The following ARL9 variants were observed in gnomAD, a reference collection of about 807,000 sequenced individuals.
ARL9 encodes ARF like GTPase 9.
Under a neutral mutation model 27.0 loss-of-function variants are expected in ARL9, and 14 were observed. The ratio of observed to expected loss-of-function variants is 0.52; its 90% CI spans 0.34 to 0.81. ARL9 has a LOEUF of 0.81. ARL9 is among the 30% of genes least tolerant of loss of function. The pLI, the probability that ARL9 is intolerant of heterozygous loss-of-function variation, is 0.01. For synonymous variants in ARL9, 106 were observed against 108.7 expected, an observed-to-expected ratio of 0.98 and a Z score of 0.15; for missense variants, 294 against 290.0, an observed-to-expected ratio of 1.01 and a Z score of -0.10.
chr4:56,518,377 G>A lies in ARL9; in HGVS notation c.443-301G>A, dbSNP rs189441114. On this transcript the variant is annotated intron_variant, in intron 2 of 3. Coordinates refer to ENST00000640821, the MANE Select transcript of ARL9 (RefSeq NM_001363794.2). The stretch of plus-strand genomic sequence containing the variant: ...GAGCTATAACTGATAAACATGCAGT[G>A]GCTGACATGGCTGCTGTGGACAATG... 1.8e-4 allele frequency among the ~76,000 whole-genome samples: 27 copies of A among 152,234 alleles called. No individual in the cohort carries two copies. In the East Asian group the frequency reaches 5.2e-3, roughly 29 times the overall value.
intron 3 of ARL9, among the ~76,000 whole-genome samples, chr4:56,521,526 T>C (rs1560700134): frequency 6.6e-6 from 1 of 152,216 alleles, no homozygotes; most frequent in Admixed American, 6.5e-5. Context: ...TTTGTACATA[T>C]TCTGTTTTAT....
chr4:56,523,696 G>C lies in ARL9; in HGVS notation c.619-1G>C. On this transcript the variant is annotated splice_acceptor_variant, in intron 3 of 3. Coordinates refer to ENST00000640821, the MANE Select transcript of ARL9 (RefSeq NM_001363794.2). LOFTEE classifies it high-confidence loss of function. Reference sequence around the variant, plus strand: ...CTATTCTTATTCCACTCCGGATGAAGGATCTTGAAGCAGCCTATCACATTA... The same window carrying C: ...CTATTCTTATTCCACTCCGGATGAACGATCTTGAAGCAGCCTATCACATTA... The C allele has an allele frequency of 6.2e-7, 1 of 1,609,516 alleles. No homozygotes were observed. The highest frequency in any genetic ancestry group is 1.7e-5 in the Admixed American group (1 of 59,348).
intron 2 of ARL9, among the ~76,000 whole-genome samples, chr4:56,518,287 T>A (rs910709419): frequency 6.6e-6 from 1 of 152,170 alleles, no homozygotes; most frequent in African/African-American, 2.4e-5. Context: ...TCCTCCTGCC[T>A]CAGCCTCCCA....
Position 56,506,047 on chromosome 4 carries a change from AG to A in ARL9, c.187del (p.Glu63ArgfsTer23). 1 of 1,230,872 alleles carries A rather than the reference AG, an allele frequency of 8.1e-7. No individual in the cohort carries two copies. The highest frequency in any genetic ancestry group is 1.0e-6 in the Non-Finnish European group (1 of 985,984). The allele number at this position is 1,230,872 out of a possible 1,614,324, so 76.2% of individuals were successfully genotyped here. A position where few individuals can be genotyped will look rare whatever the true frequency, so the allele number is the denominator to read the frequency against. On this transcript the variant is annotated frameshift_variant, in exon 1 of 4. Transcript: ENST00000640821. LOFTEE classifies it high-confidence loss of function. Reference sequence around the variant, plus strand: ...GAGGAAAAGAGGACAAAGCAAGGGAAGGAGACAAACAAAGAGAAGGAACAAT... The same window carrying A: ...GAGGAAAAGAGGACAAAGCAAGGGAAGAGACAAACAAAGAGAAGGAACAAT... ...EKEEKRTKQGKETNKEKEQFK... is the reference protein window; with the variant it reads ...EKEEKRTKQGXETNKEKEQFK...
intron 2 of ARL9, among the ~76,000 whole-genome samples, 152 bp from the exon 3 acceptor site, chr4:56,518,526 C>T (rs1045357933): frequency 6.6e-6 from 1 of 152,188 alleles, no homozygotes; most frequent in African/African-American, 2.4e-5. Context: ...TGCCTCTGGT[C>T]ACTCTGAGGA....
intron 3 of ARL9, among the ~76,000 whole-genome samples, chr4:56,520,028 A>G (rs1721873030): frequency 6.7e-6 from 1 of 149,926 alleles, no homozygotes; most frequent in Non-Finnish European, 1.5e-5. Context: ...TTTGAGACAG[A>G]GTCTTGCTCT....
chr4:56,505,270 A>G, upstream of ARL9: 1 of 383,868 alleles, frequency 2.6e-6, no homozygotes, highest in African/African-American at 2.1e-5. Context: ...TAGTCTGGAG[A>G]CACTCCTAGC....
In ARL9 at chr4:56,523,846, G is replaced by T. The variant is rs1262972795; in HGVS notation, c.768G>T (p.Leu256Phe). Residue 256 changes from leucine (L) to phenylalanine (F), a missense_variant, in exon 4 of 4, where the codon TTG (leucine) becomes TTT (phenylalanine). Coordinates refer to ENST00000640821, the MANE Select transcript of ARL9 (RefSeq NM_001363794.2). ...IPSTMQDAKD[L>F]IAQLAADVQ ...CCACCATGCAAGATGCCAAAGACTT[G>T]ATTGCACAGCTGGCTGCAGATGTGC... The T allele has an allele frequency of 1.2e-6, 2 of 1,613,954 alleles. No individual in the cohort carries two copies. The highest frequency in any genetic ancestry group is 2.2e-5 in the East Asian group (1 of 44,882).
intron 1 of ARL9, among the ~76,000 whole-genome samples, chr4:56,507,931 G>A (rs1721512130): frequency 1.3e-5 from 2 of 149,558 alleles, no homozygotes; most frequent in Middle Eastern, 3.6e-3. Context: ...AGCCAAGATC[G>A]TGCCACTGCA....
intron 1 of ARL9, among the ~76,000 whole-genome samples, 158 bp downstream of exon 1, chr4:56,506,299 CTT>C (rs1439357976): frequency 6.6e-6 from 1 of 152,160 alleles, no homozygotes; most frequent in Non-Finnish European, 1.5e-5. Flanking sequence ...ATGCGCCAAA[CTT>C]TGAACGACCC....
In ARL9 at chr4:56,521,217, CAA is replaced by C. The variant is rs57537197; in HGVS notation, c.618+2379_618+2380del. Reference sequence around the variant, plus strand: ...CAGAGTGACACTCCGCCCCAAAAAACAAAAAAAAAAAAAAAAGAGAGAGGCTG... The same window carrying C: ...CAGAGTGACACTCCGCCCCAAAAAACAAAAAAAAAAAAAAGAGAGAGGCTG... On this transcript the variant is annotated intron_variant, in intron 3 of 3. Transcript: ENST00000640821. Among the ~76,000 whole-genome samples the C allele has an allele frequency of 8.2e-3, 782 of 94,810 alleles. 10 individuals carry two copies. The highest frequency in any genetic ancestry group is 0.024 in the African/African-American group (706 of 28,978). 62.2% of individuals were successfully genotyped at this position (94,810 alleles called of 152,430 possible).
At chr4:56,506,249 T>A in intron 1 of ARL9, 108 bp downstream of exon 1, 1 of 1,102,562 alleles carries the variant, frequency 9.1e-7, no homozygotes, top group Non-Finnish European at 1.1e-6. Flanking sequence ...TGGGAGCGAA[T>A]GGATCTCAAC....
intron 2 of ARL9, among the ~76,000 whole-genome samples, chr4:56,516,586 A>T (rs1291785660): frequency 1.6e-3 from 88 of 56,058 alleles, no homozygotes; most frequent in African/African-American, 6.9e-3. Context: ...AAATTAGGCA[A>T]AAAAAAAAAA....
intron 1 of ARL9, among the ~76,000 whole-genome samples, chr4:56,507,310 G>T (rs568927859): frequency 1.3e-5 from 2 of 151,978 alleles, no homozygotes; most frequent in Admixed American, 6.5e-5. Context: ...AAAGGGAACT[G>T]ATATTTTTGT....
chr4:56,511,074 G>A (rs535304388), intron 1 of ARL9, 111 bp from the exon 2 acceptor site: 22 of 1,112,458 alleles, frequency 2.0e-5, no homozygotes, highest in Middle Eastern at 2.7e-4. Flanking sequence ...CACCTGGCCC[G>A]TGGAGTTTTA....
chr4:56,518,679 T>G lies in ARL9; in HGVS notation c.444T>G (p.Ile148Met). Residue 148 changes from isoleucine (I) to methionine (M), a missense_variant and splice_region_variant, in exon 3 of 4, where the codon ATT (isoleucine) becomes ATG (methionine). Transcript: ENST00000640821. ...TTCTTCCTCTACTATTCTCTGTAGT[T>G]GGTGGCAGTAAACCTTTTCGGTCCT... ...TEDSQMEFLE[I>M]GGSKPFRSYW... The G allele has an allele frequency of 6.2e-7, 1 of 1,611,684 alleles. No homozygotes were observed. The highest frequency in any genetic ancestry group is 2.2e-5 in the East Asian group (1 of 44,816).
At chr4:56,519,384 G>A (rs1014097182) in intron 3 of ARL9, among the ~76,000 whole-genome samples, 2 of 152,090 alleles carry the variant, frequency 1.3e-5, no homozygotes, top group Non-Finnish European at 2.9e-5. Flanking sequence ...GGGCAGGGGT[G>A]GGGGATCACG....
At position 56,508,616 on chromosome 4, in the gene ARL9, C is replaced by T. The variant is rs563057371; in HGVS notation, c.279+2475C>T. ...GGTCAGGCTGGTCTCGAACTCCTGA[C>T]CTCAGGTGATCCGCCCTCCTTGGCC... On this transcript the variant is annotated intron_variant, in intron 1 of 3. Coordinates refer to ENST00000640821, the MANE Select transcript of ARL9 (RefSeq NM_001363794.2). 3.3e-5 allele frequency among the ~76,000 whole-genome samples: 5 copies of T among 152,290 alleles called. No homozygotes were observed. In the South Asian group the frequency reaches 1.0e-3, roughly 32 times the overall value.
chr4:56,507,126 A>G (rs1364506921), intron 1 of ARL9, among the ~76,000 whole-genome samples: 5 of 151,872 alleles, frequency 3.3e-5, no homozygotes, highest in African/African-American at 9.7e-5. Flanking sequence ...AACACAGACT[A>G]CATAGACTCA....
Sources: allele counts gnomAD v4.1 joint callset (sites outside exome capture counted in the v4.1 genomes callset), GRCh38; gene constraint gnomAD v4.1.1; transcripts MANE v1.5; gene names NCBI Gene and HGNC (gene_info 2026-07-23, HGNC 2026-07-21).